ARFGEF1: variants seen among roughly 807,000 people sequenced by gnomAD.
The protein encoded by ARFGEF1 is brefeldin A-inhibited guanine nucleotide-exchange protein 1.
In ARFGEF1, 42 loss-of-function variants were observed where a neutral mutation model predicts 231.0. The ratio of observed to expected loss-of-function variants is 0.18; its 90% CI spans 0.14 to 0.24. ARFGEF1 has a LOEUF of 0.24. ARFGEF1 is among the 10% of genes least tolerant of loss of function. The pLI is 1.00. For synonymous variants in ARFGEF1, 710 were observed against 732.3 expected (o/e 0.97, Z 0.49); for missense variants, 1,345 against 2,192.0 (o/e 0.61, Z 7.72).
intron 14 of ARFGEF1, among the ~76,000 whole-genome samples, chr8:67,265,617 C>T (rs1408290106): frequency 1.3e-5 from 2 of 152,000 alleles, no homozygotes; most frequent in Non-Finnish European, 2.9e-5. Flanking sequence ...ATTTGTAAGC[C>T]AGCTGGAAAA....
intron 5 of ARFGEF1, among the ~76,000 whole-genome samples, chr8:67,191,478 T>C (rs898370046): frequency 6.6e-6 from 1 of 152,228 alleles, no homozygotes; most frequent in Non-Finnish European, 1.5e-5. Flanking sequence ...CCAGTCTACT[T>C]TGGTTTCTAT....
intron 1 of ARFGEF1, among the ~76,000 whole-genome samples, chr8:67,310,414 G>A (rs1806949858): frequency 6.6e-6 from 1 of 152,198 alleles, no homozygotes; most frequent in African/African-American, 2.4e-5. Flanking sequence ...TAGTGCCCAG[G>A]CTGGAGTGCA....
At chr8:67,240,315 TAATTA>T (rs746412871) in intron 19 of ARFGEF1, 25 bp from the exon 20 acceptor site, 4 of 1,566,424 alleles carry the variant, frequency 2.6e-6, no homozygotes, top group Non-Finnish European at 3.4e-6. Context: ...AATTGTATTT[TAATTA>T]AAGATTATGA....
Position 67,326,181 on chromosome 8 carries a change from G to C in ARFGEF1, c.124+16983C>G, listed in dbSNP as rs531821005. ...CCACTGCACTCTAGCCTGGTTGACA[G>C]AGTGAAACTCCATCTCAAAAAATAA... On this transcript the variant is annotated intron_variant, in intron 1 of 38. Coordinates refer to ENST00000262215, the MANE Select transcript of ARFGEF1 (RefSeq NM_006421.5). Among the ~76,000 whole-genome samples the C allele has an allele frequency of 7.6e-4, 115 of 152,250 alleles. 1 individual carries two copies. The South Asian group carries it at 0.023, about 31-fold the overall frequency.
At chr8:67,332,764 G>A (rs1808156605) in intron 1 of ARFGEF1, among the ~76,000 whole-genome samples, 1 of 152,146 alleles carries the variant, frequency 6.6e-6, no homozygotes, top group African/African-American at 2.4e-5. Flanking sequence ...GTGCAGCACA[G>A]GACTGACACA....
downstream of ARFGEF1, among the ~76,000 whole-genome samples, chr8:67,197,212 G>A (rs2129576997): frequency 6.6e-6 from 1 of 152,244 alleles, no homozygotes; most frequent in Middle Eastern, 3.4e-3. Context: ...TTGTGAGGCT[G>A]AGTTGGGAGG....
At chr8:67,286,635 CTATTA>C (rs1805770959) in intron 7 of ARFGEF1, among the ~76,000 whole-genome samples, 1 of 152,176 alleles carries the variant, frequency 6.6e-6, no homozygotes, top group Non-Finnish European at 1.5e-5. Flanking sequence ...CTTAACTATA[CTATTA>C]TATGTTTAAA....
chr8:67,302,552 G>C (rs1806540548), intron 1 of ARFGEF1, 86 bp from the exon 2 acceptor site: 2 of 931,748 alleles, frequency 2.1e-6, no homozygotes, highest in Non-Finnish European at 1.6e-6. Context: ...AACTCATTTG[G>C]AACTTCTACA....
chr8:67,326,726 C>A (rs1337744250), intron 1 of ARFGEF1, among the ~76,000 whole-genome samples: 1 of 152,126 alleles, frequency 6.6e-6, no homozygotes, highest in Non-Finnish European at 1.5e-5. Context: ...TCAATTTTTT[C>A]TAATCAACCT....
intron 5 of ARFGEF1, chr8:67,177,722 G>T: frequency 6.2e-7 from 1 of 1,610,198 alleles, no homozygotes; most frequent in Non-Finnish European, 8.5e-7. Context: ...CGAGAGCAAA[G>T]AATGGTAAGC....
intron 1 of ARFGEF1, among the ~76,000 whole-genome samples, chr8:67,339,455 A>T (rs1225938050): frequency 6.6e-6 from 1 of 152,094 alleles, no homozygotes; most frequent in Non-Finnish European, 1.5e-5. Flanking sequence ...CAACCCTAAC[A>T]TAAAAGAAAC....
At chr8:67,310,142 C>T (rs540180818) in intron 1 of ARFGEF1, among the ~76,000 whole-genome samples, 2 of 152,260 alleles carry the variant, frequency 1.3e-5, no homozygotes, top group South Asian at 4.1e-4. Flanking sequence ...TTTCCACGGT[C>T]TCCCTCTCAT....
intron 29 of ARFGEF1, among the ~76,000 whole-genome samples, chr8:67,223,753 G>A (rs1176646668): frequency 2.6e-5 from 4 of 152,112 alleles, no homozygotes; most frequent in Non-Finnish European, 4.4e-5. Context: ...TAAATAAAGG[G>A]TGAGGGGAGA....
In ARFGEF1 at chr8:67,236,366, ATATATATATATATATATATATATATAT is replaced by A. The variant is rs1368489113; in HGVS notation, c.3289+1950_3289+1976del. Among the ~76,000 whole-genome samples, 20 of 17,724 alleles carry A rather than the reference ATATATATATATATATATATATATATAT, an allele frequency of 1.1e-3. 3 individuals carry two copies. Among genetic ancestry groups the A allele is most frequent in the African/African-American group, 2.5e-3 (12 of 4,736 alleles). The allele number at this position is 17,724 out of a possible 152,430, so 11.6% of individuals were successfully genotyped here. On this transcript the variant is annotated intron_variant, in intron 22 of 38. Transcript: ENST00000262215. Reference sequence around the variant, plus strand: ...ATATTAGTTAAAAAAAAAAAAAAAAATATATATATATATATATATATATATATATATATATATATATATATGTATCCA... The same window carrying A: ...ATATTAGTTAAAAAAAAAAAAAAAAAATATATATATATATATATGTATCCA...
chr8:67,276,470 A>C (rs1019046332), intron 8 of ARFGEF1, among the ~76,000 whole-genome samples: 1 of 152,102 alleles, frequency 6.6e-6, no homozygotes, highest in African/African-American at 2.4e-5. Context: ...GTTTTATTTT[A>C]TGCTTTTATC....
chr8:67,290,842 T>C (rs993342854), intron 6 of ARFGEF1, among the ~76,000 whole-genome samples: 3 of 152,036 alleles, frequency 2.0e-5, no homozygotes, highest in African/African-American at 7.3e-5. Flanking sequence ...ATCGAAGTCA[T>C]CCTTTTTAAA....
intron 1 of ARFGEF1, among the ~76,000 whole-genome samples, chr8:67,340,443 G>C (rs1392746402): frequency 6.6e-6 from 1 of 152,192 alleles, no homozygotes; most frequent in Non-Finnish European, 1.5e-5. Flanking sequence ...ATTACCAACA[G>C]ACCAGAGCGG....
intron 1 of ARFGEF1, among the ~76,000 whole-genome samples, chr8:67,338,025 G>T (rs1374460335): frequency 6.6e-6 from 1 of 152,066 alleles, no homozygotes; most frequent in Admixed American, 6.6e-5. Flanking sequence ...CATTATGTGA[G>T]GAATATTATG....
At chr8:67,176,792 C>A (rs1226526135) in intron 5 of ARFGEF1, among the ~76,000 whole-genome samples, 3 of 152,100 alleles carry the variant, frequency 2.0e-5, no homozygotes, top group Non-Finnish European at 4.4e-5. Flanking sequence ...ACCTCACTGG[C>A]CAGGCGTGGT....
Sources: gnomAD v4.1 joint callset for allele counts (sites outside exome capture counted in the v4.1 genomes callset) on GRCh38, gnomAD v4.1.1 for gene constraint, MANE v1.5 for transcripts, NCBI Gene and HGNC (gene_info 2026-07-23, HGNC 2026-07-21) for gene names.